Variants in USP54 observed in about 807,000 individuals in gnomAD.
USP54 encodes ubiquitin specific peptidase 54.
USP54 carries 87 observed loss-of-function variants against 170.5 expected under a neutral mutation model. The ratio of observed to expected loss-of-function variants is 0.51; its 90% confidence interval spans 0.43 to 0.61. The LOEUF (loss-of-function observed/expected upper bound fraction) is 0.61, where lower values mean the gene tolerates loss of function less well. USP54 is among the 20% of genes least tolerant of loss of function. USP54 has a pLI of 0.00. For synonymous variants in USP54, 655 were observed against 742.8 expected (o/e 0.88, Z 1.92); for missense variants, 1,786 against 2,047.8 (o/e 0.87, Z 2.47).
chr10:73,574,020 A>T (rs1406654787), intron 3 of USP54, among the ~76,000 whole-genome samples: 1 of 152,204 alleles, frequency 6.6e-6, no homozygotes, highest in African/African-American at 2.4e-5. Flanking sequence ...TGAAGCTAAT[A>T]TTTTACCCAA....
chr10:73,554,553 A>G (rs1564810469), intron 4 of USP54, among the ~76,000 whole-genome samples: 1 of 152,196 alleles, frequency 6.6e-6, no homozygotes, highest in Non-Finnish European at 1.5e-5. Context: ...GGGGAAAAAC[A>G]TTTTACCCTT....
rs750182310 is a variant in USP54 at position 73,516,822 on chromosome 10, A to G, written c.3604T>C (p.Ser1202Pro). The change falls in exon 20 of 24, where the codon TCC becomes CCC. Residue 1202 changes from serine to proline, a missense_variant. By Grantham distance (74) the Ser-to-Pro change is moderately conservative. Transcript: ENST00000687698. Reference sequence around the variant, plus strand: ...AAGGCAAGAGAAGAATGTTCAGTGGACTCTTCCCAGGAAAGTGGTCTATCC... The same window carrying G: ...AAGGCAAGAGAAGAATGTTCAGTGGGCTCTTCCCAGGAAAGTGGTCTATCC... Reference protein sequence around the residue: ...GGDRPLSWEESTEHSSLALNS... With the variant: ...GGDRPLSWEEPTEHSSLALNS... 5 of 1,613,892 alleles carry G rather than the reference A, an allele frequency of 3.1e-6. No homozygotes were observed. In the Admixed American group the frequency reaches 8.3e-5, roughly 27 times the overall value.
At chr10:73,505,241 A>T in intron 21 of USP54, 67 bp downstream of exon 21, 2 of 1,468,882 alleles carry the variant, frequency 1.4e-6, no homozygotes, top group African/African-American at 2.8e-5. Context: ...TCCCTGTCAC[A>T]TCTCTCCATA....
Position 73,541,527 on chromosome 10 carries a change from A to G in USP54, c.679-6T>C. On this transcript the variant is annotated splice_polypyrimidine_tract_variant and splice_region_variant and intron_variant, in intron 8 of 23. Coordinates refer to ENST00000687698, the MANE Select transcript of USP54 (RefSeq NM_001391956.1). ...ATCCTCTCTCCACAGTTGCTCTGAAATACATATATAAGGCTAGTTCAACAT... is the reference window on the plus strand; with the variant it reads ...ATCCTCTCTCCACAGTTGCTCTGAAGTACATATATAAGGCTAGTTCAACAT... The G allele has an allele frequency of 6.2e-7, 1 of 1,614,172 alleles. No homozygotes were observed. Among genetic ancestry groups the G allele is most frequent in the Non-Finnish European group, 8.5e-7 (1 of 1,180,010 alleles).
chr10:73,606,840 CT>C (rs1222636255), intron 1 of USP54, among the ~76,000 whole-genome samples: 1 of 146,190 alleles, frequency 6.8e-6, no homozygotes. Flanking sequence ...GATCGTGCCA[CT>C]GCACTCCAGC....
chr10:73,548,281 T>G (rs533682823), intron 4 of USP54, among the ~76,000 whole-genome samples: 1 of 152,150 alleles, frequency 6.6e-6, no homozygotes. Context: ...ACACTGTTGG[T>G]GGGAGTGTAA....
intron 20 of USP54, among the ~76,000 whole-genome samples, chr10:73,509,875 TG>T (rs2059921810): frequency 6.6e-6 from 1 of 151,966 alleles, no homozygotes; most frequent in Non-Finnish European, 1.5e-5. Flanking sequence ...TCGGATGTGG[TG>T]GTGTGTGCCT....
Position 73,500,685 on chromosome 10 carries a change from TG to T in USP54, c.4464del (p.Thr1489ProfsTer39), listed in dbSNP as rs1420853601. ...AGTCTATTGGGCTCCCCTGCCATGG[TG>T]GGCATCAGGACATCTGGGGACAGGA... ...PQFLSPDVLM[P>X]TMAGEPNRLP... On this transcript the variant is annotated frameshift_variant, in exon 23 of 24. Coordinates refer to ENST00000687698, the MANE Select transcript of USP54 (RefSeq NM_001391956.1). LOFTEE classifies it high-confidence loss of function. 6.2e-7 allele frequency: 1 copy of T among 1,604,476 alleles called. No individual in the cohort carries two copies. The highest frequency in any genetic ancestry group is 1.4e-5 in the African/African-American group (1 of 73,974).
intron 1 of USP54, among the ~76,000 whole-genome samples, chr10:73,597,243 C>T (rs940214397): frequency 1.3e-5 from 2 of 152,132 alleles, no homozygotes; most frequent in East Asian, 3.8e-4. Context: ...CAGAACAAAC[C>T]CTCTTCTTGC....
At chr10:73,556,355 T>C (rs925620153) in intron 4 of USP54, among the ~76,000 whole-genome samples, 2 of 150,398 alleles carry the variant, frequency 1.3e-5, no homozygotes, top group Non-Finnish European at 3.0e-5. Context: ...CTTTTTTTTT[T>C]TTTTTTGAGA....
At chr10:73,552,804 AC>A in intron 4 of USP54, among the ~76,000 whole-genome samples, 1 of 152,284 alleles carries the variant, frequency 6.6e-6, no homozygotes, top group Non-Finnish European at 1.5e-5. Flanking sequence ...AAAAAAACAA[AC>A]AAAAATATAA....
chr10:73,519,677 C>A lies in USP54; in HGVS notation c.2678+120G>T, dbSNP rs1440390912. On this transcript the variant is annotated intron_variant, in intron 19 of 23. Transcript: ENST00000687698. ...TATGTCTGACCTGAAAGAAGAAAAT[C>A]TTTTCAGAGGACTCCTCTCTCCCCT... 4.1e-6 allele frequency: 6 copies of A among 1,450,818 alleles called. No individual in the cohort carries two copies. In the Admixed American group the frequency reaches 1.1e-4, roughly 26 times the overall value. The allele number at this position is 1,450,818 out of a possible 1,614,324, so 89.9% of individuals were successfully genotyped here. A position where few individuals can be genotyped will look rare whatever the true frequency, so the allele number is the denominator to read the frequency against.
intron 4 of USP54, among the ~76,000 whole-genome samples, chr10:73,552,397 A>T (rs975363262): frequency 6.7e-6 from 1 of 148,550 alleles, no homozygotes; most frequent in Non-Finnish European, 1.5e-5. Context: ...TGGGTGATAG[A>T]GTGAGGCTCC....
intron 3 of USP54, among the ~76,000 whole-genome samples, chr10:73,571,783 C>T (rs574411343): frequency 1.8e-4 from 27 of 151,950 alleles, no homozygotes; most frequent in African/African-American, 6.0e-4. Context: ...AAATGTGATC[C>T]GGAAGAGGAA....
chr10:73,510,821 T>C (rs2060083565), intron 20 of USP54, among the ~76,000 whole-genome samples: 1 of 152,156 alleles, frequency 6.6e-6, no homozygotes, highest in South Asian at 2.1e-4. Context: ...TTTTTAGATA[T>C]CTATAAGATG....
chr10:73,613,182 T>A (rs1179438404), intron 1 of USP54, among the ~76,000 whole-genome samples: 1 of 148,582 alleles, frequency 6.7e-6, no homozygotes. Flanking sequence ...TTACGTAGGC[T>A]GGGGTACAGT....
intron 20 of USP54, among the ~76,000 whole-genome samples, chr10:73,509,731 G>A (rs1335068659): frequency 6.6e-6 from 1 of 152,116 alleles, no homozygotes; most frequent in Admixed American, 6.5e-5. Context: ...GAGGAGGCTG[G>A]GCATCGTAGC....
At chr10:73,540,759 A>T (rs958793278) in intron 9 of USP54, among the ~76,000 whole-genome samples, 2 of 152,124 alleles carry the variant, frequency 1.3e-5, no homozygotes, top group Admixed American at 6.5e-5. Flanking sequence ...TGAAAAATGG[A>T]GATTTTATTG....
chr10:73,519,744 A>C lies in USP54; in HGVS notation c.2678+53T>G, dbSNP rs570885123. The C allele has an allele frequency of 9.5e-5, 153 of 1,609,558 alleles. 1 individual carries two copies. In the African/African-American group the frequency reaches 1.9e-3, roughly 20 times the overall value. On this transcript the variant is annotated intron_variant, in intron 19 of 23. Transcript: ENST00000687698. Reference sequence around the variant, plus strand: ...TGAGAGCTCTTGCTACAGAATACTCATGGTCATTTCTTCCCCTGGCATTCA... The same window carrying C: ...TGAGAGCTCTTGCTACAGAATACTCCTGGTCATTTCTTCCCCTGGCATTCA...
Sources: allele counts gnomAD v4.1 joint callset (sites outside exome capture counted in the v4.1 genomes callset), GRCh38; gene constraint gnomAD v4.1.1; transcripts MANE v1.5; gene names NCBI Gene and HGNC (gene_info 2026-07-23, HGNC 2026-07-21).